Variants in ZNF536 observed in about 807,000 individuals in gnomAD.
ZNF536 encodes zinc finger protein 536.
Under a neutral mutation model 84.5 loss-of-function variants are expected in ZNF536, and 13 were observed. The observed-to-expected ratio is 0.15, with a 90% CI of 0.10 to 0.24. The LOEUF is 0.24. Ranked by LOEUF, ZNF536 falls within the 10% of genes least tolerant of loss-of-function variation. The probability of loss-of-function intolerance (pLI) is 1.00; values close to 1 mark genes in which losing one functional copy is unlikely to be tolerated. For synonymous variants in ZNF536, 811 were observed against 742.5 expected, an observed-to-expected ratio of 1.09 and a Z score of -1.50; for missense variants, 1,536 against 1,747.5, an observed-to-expected ratio of 0.88 and a Z score of 2.16.
chr19:30,299,465 T>C (rs1472884818), intron 2 of ZNF536, among the ~76,000 whole-genome samples: 1 of 152,150 alleles, frequency 6.6e-6, no homozygotes, highest in Admixed American at 6.5e-5. Flanking sequence ...AGATATAAAA[T>C]AGGCTGCCTG....
At chr19:30,673,761 T>C (rs1302980480) in intron 1 of ZNF536, among the ~76,000 whole-genome samples, 2 of 152,248 alleles carry the variant, frequency 1.3e-5, no homozygotes, top group African/African-American at 2.4e-5. Flanking sequence ...CACGTCCCGA[T>C]GTCAGGTTCC....
chr19:30,659,412 C>A (rs1004679175), intron 1 of ZNF536, among the ~76,000 whole-genome samples: 2 of 152,132 alleles, frequency 1.3e-5, no homozygotes, highest in East Asian at 3.9e-4. Flanking sequence ...GAAACCACCC[C>A]CATGATCCAA....
intron 1 of ZNF536, among the ~76,000 whole-genome samples, chr19:30,583,471 G>A (rs762074330): frequency 9.2e-5 from 14 of 152,194 alleles, no homozygotes; most frequent in Non-Finnish European, 1.8e-4. Context: ...TGGGAGAAGG[G>A]CTTCCTCGGC....
At chr19:30,289,799 G>C (rs1052955865) in intron 2 of ZNF536, among the ~76,000 whole-genome samples, 1 of 152,184 alleles carries the variant, frequency 6.6e-6, no homozygotes, top group African/African-American at 2.4e-5. Context: ...GCTACAGCCT[G>C]TGAGTCACAT....
rs529783640 is a variant in ZNF536 at position 30,229,007 on chromosome 19, C to T, written c.-190+334C>T. ...GGGGCGGGCAGTCGGTCCCAGTGGC[C>T]GCCGCTGAGGGCAGAGCTGCGAGCG... On this transcript the variant is annotated intron_variant, in intron 1 of 5. Coordinates refer to the ZNF536 transcript ENST00000585628. Among the ~76,000 whole-genome samples the T allele has an allele frequency of 7.9e-3, 1,196 of 152,134 alleles. 21 individuals carry two copies. The highest frequency in any genetic ancestry group is 0.026 in the African/African-American group (1,095 of 41,496).
At chr19:30,689,784 G>C (rs1213181768) in intron 1 of ZNF536, among the ~76,000 whole-genome samples, 1 of 152,186 alleles carries the variant, frequency 6.6e-6, no homozygotes, top group Non-Finnish European at 1.5e-5. Flanking sequence ...ATGTGTGAGA[G>C]AAGACAATGG....
chr19:30,580,716 C>G (rs956798190), intron 1 of ZNF536, among the ~76,000 whole-genome samples: 2 of 152,180 alleles, frequency 1.3e-5, no homozygotes, highest in Admixed American at 1.3e-4. Flanking sequence ...ACAATAGGGT[C>G]TCGAGGAAAT....
chr19:30,662,184 G>T (rs2050144552), intron 1 of ZNF536, among the ~76,000 whole-genome samples: 1 of 152,278 alleles, frequency 6.6e-6, no homozygotes, highest in South Asian at 2.1e-4. Context: ...TGGGTGCTGG[G>T]ATGGGCCCCC....
At chr19:30,554,829 A>T (rs2045910861) in intron 4 of ZNF536, 1 of 152,192 alleles carries the variant, frequency 6.6e-6, no homozygotes, top group African/African-American at 2.4e-5. Context: ...GTAAAGAGGG[A>T]TGTGTTCCCG....
At chr19:30,709,144 A>G (rs1383122735) in intron 1 of ZNF536, among the ~76,000 whole-genome samples, 1 of 152,172 alleles carries the variant, frequency 6.6e-6, no homozygotes, top group African/African-American at 2.4e-5. Context: ...GTGACGCATC[A>G]GGGTAGAGAT....
intron 1 of ZNF536, among the ~76,000 whole-genome samples, chr19:30,703,227 G>C (rs1024819280): frequency 6.6e-6 from 1 of 152,186 alleles, no homozygotes; most frequent in Admixed American, 6.5e-5. Context: ...TTGGAGAACA[G>C]AGAGAAGTCT....
intron 1 of ZNF536, among the ~76,000 whole-genome samples, chr19:30,693,214 C>T (rs1382431926): frequency 6.6e-6 from 1 of 152,136 alleles, no homozygotes; most frequent in South Asian, 2.1e-4. Flanking sequence ...ATGAGCTGAC[C>T]CTCTTGGGTC....
At chr19:30,463,736 A>C (rs946096973) in intron 2 of ZNF536, among the ~76,000 whole-genome samples, 14 of 152,156 alleles carry the variant, frequency 9.2e-5, no homozygotes, top group Non-Finnish European at 1.8e-4. Context: ...CTAAATTTAC[A>C]GCACAGGGCC....
intron 1 of ZNF536, among the ~76,000 whole-genome samples, chr19:30,379,760 A>G (rs767685133): frequency 6.6e-6 from 1 of 151,976 alleles, no homozygotes; most frequent in Admixed American, 6.6e-5. Flanking sequence ...CACTGGCTGC[A>G]GGGGATGCTG....
At chr19:30,402,583 C>T (rs891812167) in intron 1 of ZNF536, among the ~76,000 whole-genome samples, 10 of 151,800 alleles carry the variant, frequency 6.6e-5, no homozygotes, top group Non-Finnish European at 1.3e-4. Context: ...CTCCCAGCCA[C>T]CTTCCATTTG....
intron 1 of ZNF536, among the ~76,000 whole-genome samples, chr19:30,678,483 C>T (rs1171448348): frequency 6.6e-6 from 1 of 152,216 alleles, no homozygotes; most frequent in Non-Finnish European, 1.5e-5. Context: ...CGCCCACTGT[C>T]CTTCTTCACC....
intron 2 of ZNF536, among the ~76,000 whole-genome samples, chr19:30,458,448 T>TTTTTTTTTTTTTTTTTTTTTTTTTTG: frequency 1.2e-5 from 1 of 82,936 alleles, no homozygotes; most frequent in African/African-American, 4.9e-5. Context: ...TTTCCTGCTG[T>TTTTTTTTTTTTTTTTTTTTTTTTTTG]TTTTTTTTTT....
At chr19:30,488,410 A>G (rs1359556582) in intron 2 of ZNF536, among the ~76,000 whole-genome samples, 1 of 152,112 alleles carries the variant, frequency 6.6e-6, no homozygotes, top group Non-Finnish European at 1.5e-5. Context: ...TCATGAATCA[A>G]TTCCTGACTC....
intron 2 of ZNF536, among the ~76,000 whole-genome samples, chr19:30,449,412 G>A (rs911093665): frequency 5.3e-5 from 8 of 152,218 alleles, no homozygotes; most frequent in East Asian, 1.9e-4. Flanking sequence ...CTCTAGGGCT[G>A]AGCTCGAATC....
Sources: gnomAD v4.1 joint callset for allele counts (sites outside exome capture counted in the v4.1 genomes callset) on GRCh38, gnomAD v4.1.1 for gene constraint, MANE v1.5 for transcripts, NCBI Gene and HGNC (gene_info 2026-07-23, HGNC 2026-07-21) for gene names.